The following EXOC5 variants were observed in gnomAD, a reference collection of about 807,000 sequenced individuals.
EXOC5 encodes exocyst complex component 5, also known as SEC10-like 1.
Under a neutral mutation model 90.8 loss-of-function variants are expected in EXOC5, and 17 were observed. The ratio of observed to expected loss-of-function variants is 0.19; its 90% CI spans 0.13 to 0.28. The LOEUF (loss-of-function observed/expected upper bound fraction) is 0.28. Among genes scored for constraint, EXOC5 ranks in the 10% least tolerant of loss-of-function variants. EXOC5 has a pLI of 1.00. For synonymous variants in EXOC5, 260 were observed against 270.0 expected, an observed-to-expected ratio of 0.96 and a Z score of 0.36; for missense variants, 569 against 830.6, an observed-to-expected ratio of 0.69 and a Z score of 3.87.
At chr14:57,227,005 T>C (rs990006441) in intron 12 of EXOC5, among the ~76,000 whole-genome samples, 2 of 152,026 alleles carry the variant, frequency 1.3e-5, no homozygotes, top group Non-Finnish European at 2.9e-5. Context: ...CAGCTATCCT[T>C]AGAAATACTG....
At chr14:57,230,871 T>C (rs1883461800) in intron 11 of EXOC5, among the ~76,000 whole-genome samples, 1 of 151,694 alleles carries the variant, frequency 6.6e-6, no homozygotes, top group South Asian at 2.1e-4. Context: ...AAAAAAAAGA[T>C]GCGTTTCCTG....
intron 1 of EXOC5, among the ~76,000 whole-genome samples, chr14:57,256,958 C>G (rs1884365166): frequency 6.6e-6 from 1 of 152,152 alleles, no homozygotes. Context: ...AAATGTTCAT[C>G]CAAGGTTACT....
In EXOC5 at chr14:57,244,352, A is replaced by G. The variant is rs1230609723; in HGVS notation, c.278T>C (p.Phe93Ser). The part of the protein sequence containing the change: ...QELQKSNQVA[F>S]QHFQELDEHI... ...CTCATCTAGTTCTTGGAAATGTTGG[A>G]AGGCAACCTAGGAAAAATGTGCATA... The change falls in exon 4 of 18, where the codon TTC becomes TCC. Residue 93 changes from phenylalanine (F) to serine (S), a missense_variant. Around this residue, in one of 9 missense-constraint regions of EXOC5, gnomAD observed 97 missense variants for 177.9 expected, o/e 0.55. Transcript: ENST00000621441. 6.2e-7 allele frequency: 1 copy of G among 1,612,698 alleles called. No individual in the cohort carries two copies. Among genetic ancestry groups the G allele is most frequent in the African/African-American group, 1.3e-5 (1 of 74,874 alleles).
At chr14:57,211,173 A>C (rs1468227637) in intron 15 of EXOC5, among the ~76,000 whole-genome samples, 4 of 152,186 alleles carry the variant, frequency 2.6e-5, no homozygotes, top group Non-Finnish European at 5.9e-5. Context: ...CATTTTCACC[A>C]TGTAATCTAT....
At chr14:57,215,813 T>C (rs1882955430) in intron 15 of EXOC5, among the ~76,000 whole-genome samples, 1 of 152,182 alleles carries the variant, frequency 6.6e-6, no homozygotes, top group Non-Finnish European at 1.5e-5. Context: ...AACACAGTAG[T>C]GGATGTCCTA....
chr14:57,223,767 T>C lies in EXOC5; in HGVS notation c.1297-1351A>G, dbSNP rs544640319. On this transcript the variant is annotated intron_variant, in intron 12 of 17. Transcript: ENST00000621441. ...CATCCAACAACATCAGGATATATAT[T>C]TTTTTCAAGTGCATACAAAAAAGAT... Among the ~76,000 whole-genome samples the C allele has an allele frequency of 2.3e-3, 346 of 152,088 alleles. 2 individuals are homozygous for C. The highest frequency in any genetic ancestry group is 8.0e-3 in the African/African-American group (331 of 41,494).
At chr14:57,225,960 T>C (rs151031614) in intron 12 of EXOC5, among the ~76,000 whole-genome samples, 1 of 152,284 alleles carries the variant, frequency 6.6e-6, no homozygotes, top group Non-Finnish European at 1.5e-5. Flanking sequence ...GAATATACAA[T>C]TTGCATGTCA....
Position 57,268,791 on chromosome 14 carries a change from C to T in EXOC5, c.-143G>A. ...GCGGGCTCCCCAGCTCCCCACAGATCCCAGGAGGGGCGGGAGAGCGGCCAT... is the reference window on the plus strand; with the variant it reads ...GCGGGCTCCCCAGCTCCCCACAGATTCCAGGAGGGGCGGGAGAGCGGCCAT... On this transcript the variant is annotated 5_prime_UTR_variant, in exon 1 of 18. Coordinates refer to ENST00000621441, the MANE Select transcript of EXOC5 (RefSeq NM_006544.4). The T allele has an allele frequency of 7.0e-7, 1 of 1,418,506 alleles. No homozygotes were observed. The highest frequency in any genetic ancestry group is 9.1e-7 in the Non-Finnish European group (1 of 1,093,812). The allele number at this position is 1,418,506 out of a possible 1,614,324, so 87.9% of individuals were successfully genotyped here. A position where few individuals can be genotyped will look rare whatever the true frequency, so the allele number is the denominator to read the frequency against.
rs1882548850 is a variant in EXOC5, at chr14:57,202,959, T to C, written c.*5650A>G. On this transcript the variant is annotated 3_prime_UTR_variant, in exon 18 of 18. Transcript: ENST00000621441. The stretch of plus-strand genomic sequence containing the variant: ...AGAGGCACTTAGGTATTATTCCTTA[T>C]AAAATATTTTCACATAACTTCATGT... 1 of 152,226 alleles carries C rather than the reference T, an allele frequency of 6.6e-6. No homozygotes were observed. The highest frequency in any genetic ancestry group is 1.5e-5 in the Non-Finnish European group (1 of 68,038). The allele number at this position is 152,226 out of a possible 1,614,324, so 9.4% of individuals were successfully genotyped here. A position where few individuals can be genotyped will look rare whatever the true frequency, so the allele number is the denominator to read the frequency against.
At chr14:57,212,374 T>C (rs2139609334) in intron 15 of EXOC5, among the ~76,000 whole-genome samples, 1 of 152,342 alleles carries the variant, frequency 6.6e-6, no homozygotes, top group Non-Finnish European at 1.5e-5. Flanking sequence ...CATCCCTGGT[T>C]ATCCATGCCT....
At chr14:57,244,550 TTA>T (rs1491420799) in intron 3 of EXOC5, among the ~76,000 whole-genome samples, 191 bp from the exon 4 acceptor site, 3 of 152,042 alleles carry the variant, frequency 2.0e-5, no homozygotes, top group Non-Finnish European at 4.4e-5. Context: ...CCATTAACTA[TTA>T]AAATAATATT....
At position 57,204,200 on chromosome 14, in the gene EXOC5, AAAAT is replaced by A. The variant is rs1178974635; in HGVS notation, c.*4405_*4408del. ...GATAAAATACCTCGGGTCTAGTTCA[AAAAT>A]AGGAATTTTGTTAAGCCCAGGGGCA... is the stretch of plus-strand genomic sequence containing the variant. On this transcript the variant is annotated 3_prime_UTR_variant, in exon 18 of 18. Transcript: ENST00000621441. The A allele has an allele frequency of 6.6e-6, 1 of 152,156 alleles. No homozygotes were observed. Among genetic ancestry groups the A allele is most frequent in the African/African-American group, 2.4e-5 (1 of 41,446 alleles). 9.4% of individuals were successfully genotyped at this position (152,156 alleles called of 1,614,324 possible).
chr14:57,227,467 G>GA (rs1883343368), intron 12 of EXOC5, among the ~76,000 whole-genome samples: 3 of 152,006 alleles, frequency 2.0e-5, no homozygotes, highest in Admixed American at 2.0e-4. Flanking sequence ...TTTTCACCAT[G>GA]AAAAAAATGC....
rs1053467127 is a variant in EXOC5, at chr14:57,208,472, T to C, written c.*137A>G. On this transcript the variant is annotated 3_prime_UTR_variant, in exon 18 of 18. Coordinates refer to ENST00000621441, the MANE Select transcript of EXOC5 (RefSeq NM_006544.4). The stretch of plus-strand genomic sequence containing the variant: ...CTCAAAGGTAAGTATGGCTGCTGTT[T>C]TGTTCCAGTCATTGTTTCACAAAAT... The C allele has an allele frequency of 3.9e-5, 22 of 567,340 alleles. No homozygotes were observed. The highest frequency in any genetic ancestry group is 1.1e-3 in the Middle Eastern group (2 of 1,904). The allele number at this position is 567,340 out of a possible 1,614,324, so 35.1% of individuals were successfully genotyped here.
chr14:57,237,284 C>G (rs1318054254), intron 6 of EXOC5, 54 bp downstream of exon 6: 1 of 928,010 alleles, frequency 1.1e-6, no homozygotes, highest in South Asian at 1.4e-5. Flanking sequence ...TTTATTTTTA[C>G]ACAAGTAGTT....
At position 57,233,758 on chromosome 14, in the gene EXOC5, A is replaced by G. The variant is rs763560186; in HGVS notation, c.840T>C (p.Phe280=). 6.4e-7 allele frequency: 1 copy of G among 1,571,186 alleles called. No homozygotes were observed. The highest frequency in any genetic ancestry group is 8.7e-7 in the Non-Finnish European group (1 of 1,144,044). The change falls in exon 9 of 18, where the codon TTT becomes TTC. Residue 280 remains phenylalanine, a synonymous_variant. Coordinates refer to ENST00000621441, the MANE Select transcript of EXOC5 (RefSeq NM_006544.4). ...TTAAAATTACCTGTAGTTTGATTTC[A>G]AATACATTTTGAATAAGTTTAGCCA... is the stretch of plus-strand genomic sequence containing the variant. The part of the protein sequence containing the change: ...TVLAKLIQNV[F]EIKLQSFVKE...
At position 57,247,487 on chromosome 14, in the gene EXOC5, G is replaced by C. The variant is rs115680818; in HGVS notation, c.122+131C>G. 2.4e-3 allele frequency: 1,146 copies of C among 468,182 alleles called. 13 individuals are homozygous for C. Among genetic ancestry groups the C allele is most frequent in the African/African-American group, 0.021 (1,053 of 49,496 alleles). 29.0% of individuals were successfully genotyped at this position (468,182 alleles called of 1,614,324 possible). ...CAAACTTTTAATGCTCTGTTGTATT[G>C]TCTTTTATTGGCCAAATGTTAACTA... is the stretch of plus-strand genomic sequence containing the variant. On this transcript the variant is annotated intron_variant, in intron 2 of 17. Transcript: ENST00000621441.
rs1396214172 is a variant in EXOC5, at chr14:57,206,180, T to TA, written c.*2428dup. On this transcript the variant is annotated 3_prime_UTR_variant, in exon 18 of 18. Coordinates refer to ENST00000621441, the MANE Select transcript of EXOC5 (RefSeq NM_006544.4). Reference sequence around the variant, plus strand: ...TGTGTAATACTGCAAAGACCGTACTTACGTAAATGTTGGTTAAAGTTACCA... The same window carrying TA: ...TGTGTAATACTGCAAAGACCGTACTTAACGTAAATGTTGGTTAAAGTTACCA... 1 of 308,084 alleles carries TA rather than the reference T, an allele frequency of 3.2e-6. No individual in the cohort carries two copies. The highest frequency in any genetic ancestry group is 6.4e-6 in the Non-Finnish European group (1 of 157,346). The allele number at this position is 308,084 out of a possible 1,614,324, so 19.1% of individuals were successfully genotyped here.
chr14:57,258,140 G>A (rs930218136), intron 1 of EXOC5, among the ~76,000 whole-genome samples: 2 of 152,114 alleles, frequency 1.3e-5, no homozygotes, highest in Non-Finnish European at 2.9e-5. Flanking sequence ...ACAGTGTGAC[G>A]ATTCCTCAAG....
Sources: gnomAD v4.1 joint callset for allele counts (sites outside exome capture counted in the v4.1 genomes callset) on GRCh38, gnomAD v4.1.1 for gene constraint, gnomAD v4.1.1 regional missense constraint, MANE v1.5 for transcripts, NCBI Gene and HGNC (gene_info 2026-07-23, HGNC 2026-07-21) for gene names.